Variants in SMYD5 observed in about 807,000 individuals in gnomAD.
SMYD5 encodes the protein SMYD family member 5, also known as protein-lysine N-trimethyltransferase SMYD5.
In SMYD5, 35 loss-of-function variants were observed where a neutral mutation model predicts 57.4. That is an observed-to-expected ratio of 0.61 (90% CI 0.47 to 0.81). SMYD5 has a LOEUF of 0.81. Among genes scored for constraint, SMYD5 ranks in the 30% least tolerant of loss-of-function variants. The probability of loss-of-function intolerance (pLI) is 0.00; values close to 1 mark genes in which losing one functional copy is unlikely to be tolerated. For synonymous variants in SMYD5, 198 were observed against 189.7 expected (o/e 1.04, Z -0.36); for missense variants, 471 against 527.9 (o/e 0.89, Z 1.06).
chr2:73,216,797 C>T (rs1380402279), intron 1 of SMYD5, among the ~76,000 whole-genome samples: 1 of 152,016 alleles, frequency 6.6e-6, no homozygotes, highest in African/African-American at 2.4e-5. Context: ...TCTCAAACTC[C>T]TGGGCTCAAG....
chr2:73,222,914 G>C (rs1686422998), intron 7 of SMYD5, 97 bp downstream of exon 7: 5 of 1,504,384 alleles, frequency 3.3e-6, no homozygotes, highest in Non-Finnish European at 4.6e-6. Context: ...CTGAGCCAAA[G>C]CCGACTTGGT....
intron 1 of SMYD5, among the ~76,000 whole-genome samples, chr2:73,216,444 A>T (rs1686294367): frequency 6.6e-6 from 1 of 151,998 alleles, no homozygotes; most frequent in Non-Finnish European, 1.5e-5. Context: ...TAATCCCAGC[A>T]CTTTGGGAGG....
intron 7 of SMYD5, 50 bp downstream of exon 7, chr2:73,222,867 C>T (rs1452802421): frequency 6.3e-7 from 1 of 1,580,216 alleles, no homozygotes; most frequent in Non-Finnish European, 8.7e-7. Context: ...CTCCAGCTCT[C>T]CAGGAGCAAT....
intron 1 of SMYD5, chr2:73,214,618 T>A: frequency 6.6e-7 from 1 of 1,508,574 alleles, no homozygotes; most frequent in Non-Finnish European, 8.9e-7. Context: ...GGGAGGCCCT[T>A]CTGTGGCTGC....
chr2:73,215,330 G>A (rs537904607), intron 1 of SMYD5, among the ~76,000 whole-genome samples: 1 of 152,226 alleles, frequency 6.6e-6, no homozygotes, highest in African/African-American at 2.4e-5. Flanking sequence ...TTTATCCTGT[G>A]TAGTGGCTGT....
chr2:73,214,478 C>G, intron 1 of SMYD5, 116 bp downstream of exon 1: 1 of 1,532,454 alleles, frequency 6.5e-7, no homozygotes, highest in Non-Finnish European at 8.7e-7. Flanking sequence ...CGCTACGGCC[C>G]TGCCCCTGCT....
At position 73,225,967 on chromosome 2, in the gene SMYD5, G is replaced by C; in HGVS notation, c.*21G>C. 6.2e-7 allele frequency: 1 copy of C among 1,604,328 alleles called. No individual in the cohort carries two copies. The highest frequency in any genetic ancestry group is 1.1e-5 in the South Asian group (1 of 89,896). On this transcript the variant is annotated 3_prime_UTR_variant, in exon 13 of 13. Transcript: ENST00000389501. ...TGTGATGTTGCCCTGCCCAGAAAGGGCCCTGCCCTAGACCCTGCCAGAAAA... is the reference window on the plus strand; with the variant it reads ...TGTGATGTTGCCCTGCCCAGAAAGGCCCCTGCCCTAGACCCTGCCAGAAAA...
In SMYD5 at chr2:73,218,846, C is replaced by T. The variant is rs1686334602; in HGVS notation, c.97-15C>T. The T allele has an allele frequency of 1.9e-6, 3 of 1,594,634 alleles. No individual in the cohort carries two copies. The highest frequency in any genetic ancestry group is 2.7e-5 in the African/African-American group (2 of 74,496). On this transcript the variant is annotated splice_polypyrimidine_tract_variant and intron_variant, in intron 1 of 12. Coordinates refer to ENST00000389501, the MANE Select transcript of SMYD5 (RefSeq NM_006062.3). ...TGTTCCTTTTTATGGCCATCCTATC[C>T]CTCTGCCCTCTCAGGGAAAGGGGCT...
At chr2:73,224,053 C>T (rs1195677619) in intron 10 of SMYD5, 50 bp downstream of exon 10, 1 of 1,565,138 alleles carries the variant, frequency 6.4e-7, no homozygotes. Flanking sequence ...CTGCCTTTGC[C>T]AGGTGGCCTT....
intron 4 of SMYD5, 63 bp downstream of exon 4, chr2:73,220,845 A>C: frequency 1.9e-6 from 3 of 1,581,170 alleles, no homozygotes; most frequent in Non-Finnish European, 1.7e-6. Context: ...GCCTGGGCTC[A>C]TCAGGTGTTG....
Position 73,214,272 on chromosome 2 carries a change from G to A in SMYD5, c.6G>A (p.Ala2=), listed in dbSNP as rs892184013. 29 of 1,613,670 alleles carry A rather than the reference G, an allele frequency of 1.8e-5. No homozygotes were observed. Among genetic ancestry groups the A allele is most frequent in the Non-Finnish European group, 2.4e-5 (28 of 1,179,858 alleles). Reference sequence around the variant, plus strand: ...AAGGCGGAGGCGCGCCCAAGATGGCGGCCTCCATGTGCGACGTGTTCTCCT... The same window carrying A: ...AAGGCGGAGGCGCGCCCAAGATGGCAGCCTCCATGTGCGACGTGTTCTCCT... M[A]ASMCDVFSFC... The change falls in exon 1 of 13, where the codon GCG becomes GCA. Residue 2 remains alanine, a synonymous_variant. Coordinates refer to ENST00000389501, the MANE Select transcript of SMYD5 (RefSeq NM_006062.3).
intron 6 of SMYD5, 41 bp downstream of exon 6, chr2:73,221,971 T>C: frequency 8.1e-7 from 1 of 1,231,576 alleles, no homozygotes; most frequent in South Asian, 1.2e-5. Flanking sequence ...CCTCCCCAAA[T>C]ATCCTAGGAT....
Position 73,220,738 on chromosome 2 carries a change from G to A in SMYD5, c.423G>A (p.Gln141=), listed in dbSNP as rs769658721. 6.2e-7 allele frequency: 1 copy of A among 1,614,038 alleles called. No homozygotes were observed. The highest frequency in any genetic ancestry group is 1.7e-4 in the Middle Eastern group (1 of 6,042). ...AGGTCCTGTGCCCAGGCCCCTCCCA[G>A]GATGACCCCTTGCATCCTCTCAATA... ...YHQVLCPGPS[Q]DDPLHPLNKL... is the part of the protein sequence containing the mutation. Residue 141 remains glutamine, a synonymous_variant, in exon 4 of 13, where the codon CAG becomes CAA. Coordinates refer to ENST00000389501, the MANE Select transcript of SMYD5 (RefSeq NM_006062.3).
At chr2:73,225,772 C>G (rs749522805) in intron 12 of SMYD5, 24 bp from the exon 13 acceptor site, 32 of 1,613,878 alleles carry the variant, frequency 2.0e-5, no homozygotes, top group Non-Finnish European at 2.6e-5. Flanking sequence ...GACTTTTCCC[C>G]CTCACCATCC....
intron 4 of SMYD5, 95 bp downstream of exon 4, chr2:73,220,877 T>A: frequency 7.0e-7 from 1 of 1,430,930 alleles, no homozygotes. Flanking sequence ...AAGTTCCAAT[T>A]CCCCGGATTT....
At position 73,226,160 on chromosome 2, in the gene SMYD5, C is replaced by A; in HGVS notation, c.*214C>A. 1.6e-6 allele frequency: 1 copy of A among 635,990 alleles called. No individual in the cohort carries two copies. Among genetic ancestry groups the A allele is most frequent in the Non-Finnish European group, 2.7e-6 (1 of 376,512 alleles). The allele number at this position is 635,990 out of a possible 1,614,324, so 39.4% of individuals were successfully genotyped here. On this transcript the variant is annotated 3_prime_UTR_variant, in exon 13 of 13. Coordinates refer to ENST00000389501, the MANE Select transcript of SMYD5 (RefSeq NM_006062.3). ...CACTGCTGCTGAGTTGGCTCAGACTCTGCACTGGCACTGAGCCTTTCACAA... is the reference window on the plus strand; with the variant it reads ...CACTGCTGCTGAGTTGGCTCAGACTATGCACTGGCACTGAGCCTTTCACAA...
At position 73,225,721 on chromosome 2, in the gene SMYD5, T is replaced by C; in HGVS notation, c.1106+20T>C. The C allele has an allele frequency of 6.2e-7, 1 of 1,614,164 alleles. No homozygotes were observed. The highest frequency in any genetic ancestry group is 8.5e-7 in the Non-Finnish European group (1 of 1,179,988). On this transcript the variant is annotated intron_variant, in intron 12 of 12. Coordinates refer to ENST00000389501, the MANE Select transcript of SMYD5 (RefSeq NM_006062.3). ...CCTCAGGTGCCAGCTGGGGACATGG[T>C]TGTGCAGCTGGGCTCTGGGGTCCTC...
intron 4 of SMYD5, 80 bp downstream of exon 4, chr2:73,220,862 T>G (rs1686378607): frequency 1.3e-6 from 2 of 1,516,730 alleles, no homozygotes; most frequent in Non-Finnish European, 1.8e-6. Context: ...GTTGCCGTCT[T>G]TCTTAAGTTC....
intron 1 of SMYD5, 81 bp downstream of exon 1, chr2:73,214,443 C>G: frequency 6.2e-7 from 1 of 1,603,208 alleles, no homozygotes; most frequent in Non-Finnish European, 8.5e-7. Context: ...ATGCCCGGAG[C>G]CCAGAGGCTT....
Sources: gnomAD v4.1 joint callset for allele counts (sites outside exome capture counted in the v4.1 genomes callset) on GRCh38, gnomAD v4.1.1 for gene constraint, MANE v1.5 for transcripts, NCBI Gene and HGNC (gene_info 2026-07-23, HGNC 2026-07-21) for gene names.